Variants in GRIP1 observed in about 807,000 individuals in gnomAD.
GRIP1 encodes glutamate receptor-interacting protein 1.
A neutral mutation model predicts 129.9 loss-of-function variants in GRIP1; 45 were observed. The ratio of observed to expected loss-of-function variants is 0.35; its 90% confidence interval spans 0.27 to 0.44. GRIP1 has a LOEUF of 0.44. Ranked by LOEUF, GRIP1 falls within the 20% of genes least tolerant of loss-of-function variation. The pLI is 1.00. For missense variants in GRIP1, 1,196 were observed against 1,396.8 expected, an observed-to-expected ratio of 0.86 and a Z score of 2.29; for synonymous variants, 530 against 520.8, an observed-to-expected ratio of 1.02 and a Z score of -0.24.
chr12:66,707,531 G>A (rs551842450), intron 1 of GRIP1, among the ~76,000 whole-genome samples: 2 of 140,950 alleles, frequency 1.4e-5, no homozygotes, highest in African/African-American at 5.1e-5. Flanking sequence ...AAAAAAAGAT[G>A]TGGAAAACCT....
intron 1 of GRIP1, among the ~76,000 whole-genome samples, chr12:67,012,331 C>T (rs1218799122): frequency 1.3e-5 from 2 of 152,110 alleles, no homozygotes; most frequent in African/African-American, 4.8e-5. Flanking sequence ...AGAATTAGAA[C>T]TGACCAAAAA....
chr12:67,042,823 T>C (rs991659267), intron 1 of GRIP1, among the ~76,000 whole-genome samples: 2 of 152,114 alleles, frequency 1.3e-5, no homozygotes, highest in African/African-American at 4.8e-5. Context: ...GCCAGAGCAG[T>C]GGGAGCTGGG....
At chr12:66,682,761 T>C (rs2034634321), upstream of GRIP1, among the ~76,000 whole-genome samples, 1 of 152,104 alleles carries the variant, frequency 6.6e-6, no homozygotes, top group African/African-American at 2.4e-5. Flanking sequence ...GGAAATTCAT[T>C]TTGCAAAAAA....
At chr12:66,644,569 C>T (rs2032203162) in intron 1 of GRIP1, among the ~76,000 whole-genome samples, 1 of 152,188 alleles carries the variant, frequency 6.6e-6, no homozygotes, top group South Asian at 2.1e-4. Flanking sequence ...ATATTTTGCA[C>T]TTCAATTGCA....
At chr12:66,702,792 G>T (rs1048805843) in intron 1 of GRIP1, among the ~76,000 whole-genome samples, 1 of 152,186 alleles carries the variant, frequency 6.6e-6, no homozygotes, top group African/African-American at 2.4e-5. Context: ...CTAGAAAGGG[G>T]TAAGGGTCTT....
chr12:66,865,813 A>G (rs1263692726), intron 1 of GRIP1, among the ~76,000 whole-genome samples: 1 of 152,082 alleles, frequency 6.6e-6, no homozygotes, highest in Non-Finnish European at 1.5e-5. Context: ...TTCTTCCTAT[A>G]TTTTTAGATT....
intron 15 of GRIP1, among the ~76,000 whole-genome samples, chr12:66,418,662 CAT>C (rs1358750710): frequency 6.6e-6 from 1 of 152,032 alleles, no homozygotes; most frequent in Non-Finnish European, 1.5e-5. Context: ...CAAAAGAAGA[CAT>C]ACAAATGTCT....
At chr12:67,043,628 G>A (rs1176065072) in intron 1 of GRIP1, among the ~76,000 whole-genome samples, 7 of 151,918 alleles carry the variant, frequency 4.6e-5, no homozygotes, top group African/African-American at 1.5e-4. Flanking sequence ...CTCACAGTTG[G>A]GGCATCATCA....
chr12:66,788,703 C>T (rs1443478984), intron 1 of GRIP1, among the ~76,000 whole-genome samples: 1 of 152,074 alleles, frequency 6.6e-6, no homozygotes, highest in East Asian at 1.9e-4. Context: ...ACTGGTATCT[C>T]CATACAATAG....
At chr12:66,522,665 A>G (rs2061059098) in intron 5 of GRIP1, among the ~76,000 whole-genome samples, 1 of 152,250 alleles carries the variant, frequency 6.6e-6, no homozygotes, top group East Asian at 1.9e-4. Context: ...CTCACCAGCA[A>G]TGGAACAGAG....
chr12:67,042,346 G>A (rs1436516898), intron 1 of GRIP1, among the ~76,000 whole-genome samples: 6 of 152,120 alleles, frequency 3.9e-5, no homozygotes, highest in Non-Finnish European at 8.8e-5. Context: ...TGCTCATGAA[G>A]CCATCATAAA....
At chr12:66,548,646 G>A (rs574972160) in intron 2 of GRIP1, among the ~76,000 whole-genome samples, 108 of 152,278 alleles carry the variant, frequency 7.1e-4, no homozygotes, top group Non-Finnish European at 1.1e-3. Flanking sequence ...ATTTTCCGGA[G>A]TTAGAGACCA....
At position 66,854,345 on chromosome 12, in the gene GRIP1, G is replaced by C. The variant is rs146623817; in HGVS notation, c.58+214705C>G. On this transcript the variant is annotated intron_variant, in intron 1 of 1. Coordinates refer to the GRIP1 transcript ENST00000643019. ...TTACAAAGATGAGAATGGTGGTGAG[G>C]GACTAAATTAAGCCAGCTCACAGAC... Among the ~76,000 whole-genome samples the C allele has an allele frequency of 7.3e-3, 1,095 of 149,558 alleles. 17 individuals are homozygous for C. The highest frequency in any genetic ancestry group is 0.025 in the African/African-American group (1,007 of 40,970).
rs767782069 is a variant in GRIP1 at position 66,349,238 on chromosome 12, A to G, written c.3168T>C (p.His1056=). The G allele has an allele frequency of 6.2e-6, 10 of 1,612,698 alleles. No individual in the cohort carries two copies. In the African/African-American group the frequency reaches 9.3e-5, roughly 15 times the overall value. ...AGCAGTCAAAGTCTCTGGTTCGGACATGATTCACCTGAAAGGTCAAGAACA... is the reference window on the plus strand; with the variant it reads ...AGCAGTCAAAGTCTCTGGTTCGGACGTGATTCACCTGAAAGGTCAAGAACA... ...KPYDRLLQVN[H]VRTRDFDCCL... is the part of the protein sequence containing the mutation. Residue 1056 remains histidine (H), a synonymous_variant, in exon 25 of 25, where the codon CAT becomes CAC. Transcript: ENST00000359742.
chr12:66,744,287 C>T (rs1013993941), intron 1 of GRIP1, among the ~76,000 whole-genome samples: 3 of 152,134 alleles, frequency 2.0e-5, no homozygotes, highest in African/African-American at 7.2e-5. Flanking sequence ...AAAAAAGGTT[C>T]ATTCCTATAA....
chr12:66,484,101 C>T (rs964432874), intron 7 of GRIP1, among the ~76,000 whole-genome samples: 14 of 151,976 alleles, frequency 9.2e-5, no homozygotes, highest in Non-Finnish European at 1.8e-4. Flanking sequence ...CCTCGTGATC[C>T]GCCCGCCTCG....
In GRIP1 at chr12:66,455,314, T is replaced by C. The variant is rs1051955889; in HGVS notation, c.1354+95A>G. The C allele has an allele frequency of 2.1e-5, 24 of 1,154,172 alleles. No individual in the cohort carries two copies. The Admixed American group carries it at 3.5e-4, about 17-fold the overall frequency. The allele number at this position is 1,154,172 out of a possible 1,614,324, so 71.5% of individuals were successfully genotyped here. On this transcript the variant is annotated intron_variant, in intron 11 of 24. Coordinates refer to ENST00000359742, the MANE Select transcript of GRIP1 (RefSeq NM_001366722.1). ...GCATCTACCTGATCACTTAAGCAAC[T>C]GTGAAACACTCTTCCCACAATTTCG...
At chr12:67,009,247 T>C (rs1592461277) in intron 1 of GRIP1, among the ~76,000 whole-genome samples, 1 of 152,160 alleles carries the variant, frequency 6.6e-6, no homozygotes, top group Non-Finnish European at 1.5e-5. Context: ...GTATATGTAA[T>C]TGCTGAAGAT....
At chr12:66,408,560 A>G (rs1057362766) in intron 15 of GRIP1, among the ~76,000 whole-genome samples, 4 of 151,988 alleles carry the variant, frequency 2.6e-5, no homozygotes, top group Non-Finnish European at 5.9e-5. Flanking sequence ...CTTAGGTGAG[A>G]CTCTGAGTTG....
Sources: allele counts gnomAD v4.1 joint callset (sites outside exome capture counted in the v4.1 genomes callset), GRCh38; gene constraint gnomAD v4.1.1; transcripts MANE v1.5; gene names NCBI Gene and HGNC (gene_info 2026-07-23, HGNC 2026-07-21).